PIK3C2B: variants seen among roughly 807,000 people sequenced by gnomAD.
PIK3C2B encodes phosphatidylinositol-4-phosphate 3-kinase catalytic subunit type 2 beta, also known as phosphatidylinositol 4-phosphate 3-kinase C2 domain-containing subunit beta.
In PIK3C2B, 83 loss-of-function variants were observed where a neutral mutation model predicts 184.3. That is an observed-to-expected ratio of 0.45 (90% confidence interval 0.38 to 0.54). The LOEUF is 0.54. Ranked by LOEUF, PIK3C2B falls within the 20% of genes least tolerant of loss-of-function variation. The pLI, the probability that PIK3C2B is intolerant of heterozygous loss-of-function variation, is 0.00. For missense variants in PIK3C2B, 1,736 were observed against 2,113.5 expected, an observed-to-expected ratio of 0.82 and a Z score of 3.50; for synonymous variants, 779 against 837.6, an observed-to-expected ratio of 0.93 and a Z score of 1.21.
intron 1 of PIK3C2B, among the ~76,000 whole-genome samples, chr1:204,480,424 GAA>G (rs1657030117): frequency 6.6e-6 from 1 of 152,148 alleles, no homozygotes; most frequent in Non-Finnish European, 1.5e-5. Flanking sequence ...CCAGAGTTGG[GAA>G]AAGATTGTAG....
chr1:204,424,768 C>T lies in PIK3C2B; in HGVS notation c.*84G>A. ...AGGCCTGCCCAGGGCCCTGGCCCTT[C>T]ACAAGGAGGAGTCTCACAGGGGAGA... On this transcript the variant is annotated 3_prime_UTR_variant, in exon 33 of 33. Transcript: ENST00000684373. 1.4e-6 allele frequency: 2 copies of T among 1,420,240 alleles called. No individual in the cohort carries two copies. Among genetic ancestry groups the T allele is most frequent in the East Asian group, 2.3e-5 (1 of 44,054 alleles). The allele number at this position is 1,420,240 out of a possible 1,614,324, so 88.0% of individuals were successfully genotyped here.
At chr1:204,446,214 G>C (rs890099074) in intron 15 of PIK3C2B, 70 bp from the exon 16 acceptor site, 1 of 1,120,432 alleles carries the variant, frequency 8.9e-7, no homozygotes, top group Non-Finnish European at 1.3e-6. Context: ...GCATCAGCCA[G>C]GGGGTGCAGC....
chr1:204,467,982 G>A (rs1655955906), intron 2 of PIK3C2B, among the ~76,000 whole-genome samples: 1 of 152,090 alleles, frequency 6.6e-6, no homozygotes, highest in Admixed American at 6.5e-5. Flanking sequence ...CCCTAAACCA[G>A]AAAAAAGATC....
intron 12 of PIK3C2B, among the ~76,000 whole-genome samples, chr1:204,453,398 T>A (rs1654538184): frequency 6.6e-6 from 1 of 152,226 alleles, no homozygotes; most frequent in African/African-American, 2.4e-5. Flanking sequence ...ATGTGGTGAT[T>A]AATATTACCT....
chr1:204,456,667 T>C (rs1654868427), intron 10 of PIK3C2B, among the ~76,000 whole-genome samples: 1 of 152,112 alleles, frequency 6.6e-6, no homozygotes, highest in African/African-American at 2.4e-5. Context: ...AAGTGTGAGC[T>C]GTTGGGAGAA....
intron 14 of PIK3C2B, among the ~76,000 whole-genome samples, chr1:204,448,511 G>A (rs759303184): frequency 7.9e-5 from 12 of 151,970 alleles, no homozygotes; most frequent in Admixed American, 4.6e-4. Flanking sequence ...GGTGGTGTGC[G>A]CCTGTAGTCT....
intron 21 of PIK3C2B, among the ~76,000 whole-genome samples, chr1:204,440,597 CTTT>C (rs34256181): frequency 8.1e-6 from 1 of 123,558 alleles, no homozygotes. Context: ...ACCATCAGGC[CTTT>C]TTTTTTTTTT....
In PIK3C2B at chr1:204,424,649, A is replaced by T. The variant is rs781046651; in HGVS notation, c.*203T>A. 1 of 748,648 alleles carries T rather than the reference A, an allele frequency of 1.3e-6. No individual in the cohort carries two copies. Among genetic ancestry groups the T allele is most frequent in the Admixed American group, 1.7e-5 (1 of 58,300 alleles). 46.4% of individuals were successfully genotyped at this position (748,648 alleles called of 1,614,324 possible). On this transcript the variant is annotated 3_prime_UTR_variant, in exon 33 of 33. Coordinates refer to ENST00000684373, the MANE Select transcript of PIK3C2B (RefSeq NM_001377334.1). ...TCCAAGGGGCTGCTCATCACAACCAACCCAAGTTCAGTCTCCAGAGGAAGA... is the reference window on the plus strand; with the variant it reads ...TCCAAGGGGCTGCTCATCACAACCATCCCAAGTTCAGTCTCCAGAGGAAGA...
Position 204,426,101 on chromosome 1 carries a change from T to A in PIK3C2B, c.4588-360A>T, listed in dbSNP as rs188583873. Among the ~76,000 whole-genome samples the A allele has an allele frequency of 5.3e-5, 8 of 152,330 alleles. No individual in the cohort carries two copies. In the East Asian group the frequency reaches 1.5e-3, roughly 29 times the overall value. ...TTTGTCATTTGGTCCACTTAACCCCTAAGAGGTAGAGACATGAGTCACAGA... is the reference window on the plus strand; with the variant it reads ...TTTGTCATTTGGTCCACTTAACCCCAAAGAGGTAGAGACATGAGTCACAGA... On this transcript the variant is annotated intron_variant, in intron 31 of 32. Transcript: ENST00000684373.
rs2103499763 is a variant in PIK3C2B, at chr1:204,457,089, G to C, written c.1714-19C>G. On this transcript the variant is annotated intron_variant, in intron 9 of 32. Transcript: ENST00000684373. ...TGGGATCCTGTTGGGAAAAAGAAGA[G>C]GGAGGGGAGCTTCAGGGCCATAGCC... is the stretch of plus-strand genomic sequence containing the variant. 1 of 1,558,984 alleles carries C rather than the reference G, an allele frequency of 6.4e-7. No individual in the cohort carries two copies. Among genetic ancestry groups the C allele is most frequent in the East Asian group, 2.4e-5 (1 of 41,864 alleles).
chr1:204,459,853 G>T (rs1329370123), intron 8 of PIK3C2B, 25 bp downstream of exon 8: 2 of 1,603,850 alleles, frequency 1.2e-6, no homozygotes, highest in Non-Finnish European at 8.5e-7. Flanking sequence ...CGGGCAGCAG[G>T]GCCAGCCCCT....
At chr1:204,428,051 G>A (rs1674842200) in intron 30 of PIK3C2B, 88 bp downstream of exon 30, 2 of 754,898 alleles carry the variant, frequency 2.6e-6, no homozygotes, top group South Asian at 3.1e-5. Flanking sequence ...GTCAAGGAGA[G>A]AGAACTGAGA....
At chr1:204,479,487 G>C (rs1656963504) in intron 1 of PIK3C2B, among the ~76,000 whole-genome samples, 1 of 151,986 alleles carries the variant, frequency 6.6e-6, no homozygotes, top group Non-Finnish European at 1.5e-5. Context: ...TCCTGTATCA[G>C]AAAAACAACC....
rs1654197246 is a variant in PIK3C2B at position 204,449,831 on chromosome 1, T to A, written c.2234+19A>T. ...CTCCCCTTCCAAGGCCAAGAAGCTGTACCCTGGGGCTCACATACTGCCTGA... is the reference window on the plus strand; with the variant it reads ...CTCCCCTTCCAAGGCCAAGAAGCTGAACCCTGGGGCTCACATACTGCCTGA... On this transcript the variant is annotated intron_variant, in intron 13 of 32. Transcript: ENST00000684373. 2 of 1,586,008 alleles carry A rather than the reference T, an allele frequency of 1.3e-6. No individual in the cohort carries two copies. The highest frequency in any genetic ancestry group is 1.7e-6 in the Non-Finnish European group (2 of 1,166,102).
intron 1 of PIK3C2B, among the ~76,000 whole-genome samples, chr1:204,482,011 A>G (rs1463967007): frequency 6.6e-6 from 1 of 151,610 alleles, no homozygotes; most frequent in Non-Finnish European, 1.5e-5. Context: ...GGCCATTTGC[A>G]TTAAAAAGCA....
At chr1:204,442,655 C>T (rs144685219) in intron 19 of PIK3C2B, 22 bp from the exon 20 acceptor site, 9 of 1,481,266 alleles carry the variant, frequency 6.1e-6, no homozygotes, top group Middle Eastern at 1.7e-4. Flanking sequence ...GGGAGGAGTA[C>T]AGCAGGGGTG....
At chr1:204,482,763 CA>C (rs1171247395) in intron 1 of PIK3C2B, among the ~76,000 whole-genome samples, 157 of 138,954 alleles carry the variant, frequency 1.1e-3, no homozygotes, top group Admixed American at 1.1e-3. Flanking sequence ...CACTCTGTCT[CA>C]AAAAAAAAAA....
chr1:204,490,820 T>G (rs1265312587), intron 1 of PIK3C2B, among the ~76,000 whole-genome samples: 1 of 150,400 alleles, frequency 6.6e-6, no homozygotes, highest in Non-Finnish European at 1.5e-5. Context: ...ATAAAACAGA[T>G]GCAAAATAAA....
At chr1:204,476,004 C>G (rs963574951) in intron 1 of PIK3C2B, among the ~76,000 whole-genome samples, 10 of 152,180 alleles carry the variant, frequency 6.6e-5, no homozygotes, top group African/African-American at 2.4e-4. Context: ...CAAACAGCAT[C>G]CCCCACAGGA....
Sources: allele counts gnomAD v4.1 joint callset (sites outside exome capture counted in the v4.1 genomes callset), GRCh38; gene constraint gnomAD v4.1.1; transcripts MANE v1.5; gene names NCBI Gene and HGNC (gene_info 2026-07-23, HGNC 2026-07-21).